Variants in TTC21B observed in about 807,000 individuals in gnomAD.
The protein encoded by TTC21B is tetratricopeptide repeat protein 21B.
TTC21B carries 127 observed loss-of-function variants against 175.1 expected under a neutral mutation model. The observed-to-expected ratio is 0.73, with a 90% CI of 0.63 to 0.84. The LOEUF is 0.84. Ranked by LOEUF, TTC21B falls within the 40% of genes least tolerant of loss-of-function variation. TTC21B has a pLI of 0.00. For synonymous variants in TTC21B, 524 were observed against 524.5 expected, an observed-to-expected ratio of 1.00 and a Z score of 0.01; for missense variants, 1,561 against 1,558.3, an observed-to-expected ratio of 1.00 and a Z score of -0.03.
intron 1 of TTC21B, 37 bp from the exon 2 acceptor site, chr2:165,949,761 T>C: frequency 6.3e-7 from 1 of 1,582,898 alleles, no homozygotes. Flanking sequence ...ATAAAGGAAT[T>C]CTGGTGCTCT....
chr2:165,952,010 A>G (rs1687776027), intron 1 of TTC21B, among the ~76,000 whole-genome samples: 1 of 152,116 alleles, frequency 6.6e-6, no homozygotes, highest in Non-Finnish European at 1.5e-5. Flanking sequence ...CGCTCTTCCT[A>G]TTTCCTTTTC....
chr2:165,873,837 C>T lies in TTC21B; in HGVS notation c.*918G>A, dbSNP rs1684582651. The stretch of plus-strand genomic sequence containing the variant: ...AAAAAAGATTTTTCAATGAAAGTTA[C>T]ATTTTCTGTACTATACCACCACCCA... On this transcript the variant is annotated 3_prime_UTR_variant, in exon 29 of 29. Coordinates refer to ENST00000243344, the MANE Select transcript of TTC21B (RefSeq NM_024753.5). 1.3e-5 allele frequency: 2 copies of T among 152,148 alleles called. No individual in the cohort carries two copies. Among genetic ancestry groups the T allele is most frequent in the Non-Finnish European group, 2.9e-5 (2 of 68,014 alleles). 9.4% of individuals were successfully genotyped at this position (152,148 alleles called of 1,614,324 possible).
intron 7 of TTC21B, among the ~76,000 whole-genome samples, chr2:165,932,735 A>G (rs1177677966): frequency 6.6e-6 from 1 of 152,032 alleles, no homozygotes; most frequent in Non-Finnish European, 1.5e-5. Context: ...ATAATTAATG[A>G]TTTAAGGGAT....
chr2:165,919,290 TCAGA>T lies in TTC21B; in HGVS notation c.1656_1659del (p.Cys552Ter), dbSNP rs2105329247. Reference sequence around the variant, plus strand: ...GGAATACTTACCTTAAAATCATAGCTCAGACAAAGTTCAAGAGACTGAGAACACA... The same window carrying T: ...GGAATACTTACCTTAAAATCATAGCTCAAAGTTCAAGAGACTGAGAACACA... On this transcript the variant is annotated frameshift_variant, in exon 13 of 29. Coordinates refer to ENST00000243344, the MANE Select transcript of TTC21B (RefSeq NM_024753.5). LOFTEE classifies it high-confidence loss of function. 3 of 1,614,030 alleles carry T rather than the reference TCAGA, an allele frequency of 1.9e-6. No homozygotes were observed. The highest frequency in any genetic ancestry group is 1.1e-5 in the South Asian group (1 of 91,086).
intron 6 of TTC21B, among the ~76,000 whole-genome samples, chr2:165,936,569 A>C (rs1341319896): frequency 2.0e-5 from 3 of 152,104 alleles, no homozygotes; most frequent in African/African-American, 7.2e-5. Context: ...TTTACAAAAT[A>C]TACAGAGAGC....
intron 19 of TTC21B, among the ~76,000 whole-genome samples, chr2:165,903,897 T>C (rs1685646140): frequency 6.7e-6 from 1 of 150,054 alleles, no homozygotes; most frequent in African/African-American, 2.5e-5. Flanking sequence ...ATTTGTCTCT[T>C]TGTCATTCAG....
chr2:165,941,274 A>G (rs1687358284), intron 5 of TTC21B, 90 bp from the exon 6 acceptor site: 1 of 1,432,288 alleles, frequency 7.0e-7, no homozygotes, highest in African/African-American at 1.4e-5. Context: ...TGAGCGTTTA[A>G]TACTTACTTT....
intron 3 of TTC21B, among the ~76,000 whole-genome samples, chr2:165,946,096 C>T (rs1223930440): frequency 3.4e-5 from 5 of 148,630 alleles, no homozygotes; most frequent in East Asian, 2.0e-4. Flanking sequence ...GAGGCCAAGG[C>T]GGGCGGATCA....
intron 25 of TTC21B, among the ~76,000 whole-genome samples, chr2:165,886,091 C>A (rs781261729): frequency 6.6e-6 from 1 of 152,144 alleles, no homozygotes; most frequent in Non-Finnish European, 1.5e-5. Flanking sequence ...TGTGAACATA[C>A]CCTATGTTTT....
intron 11 of TTC21B, among the ~76,000 whole-genome samples, chr2:165,925,771 G>T (rs1289804719): frequency 6.6e-6 from 1 of 152,004 alleles, no homozygotes; most frequent in African/African-American, 2.4e-5. Flanking sequence ...ATAGGCCTAC[G>T]GGTTTTTATG....
chr2:165,909,458 G>A (rs1479992408), intron 18 of TTC21B, among the ~76,000 whole-genome samples: 1 of 151,876 alleles, frequency 6.6e-6, no homozygotes, highest in African/African-American at 2.4e-5. Context: ...GACAGCCCGG[G>A]AGAAAATATC....
chr2:165,942,163 C>T, intron 5 of TTC21B, among the ~76,000 whole-genome samples: 1 of 152,156 alleles, frequency 6.6e-6, no homozygotes, highest in East Asian at 1.9e-4. Context: ...AACAGGCTTA[C>T]TGTCCACACA....
At chr2:165,888,497 CA>C in intron 24 of TTC21B, 23 bp from the exon 25 acceptor site, 4 of 1,558,916 alleles carry the variant, frequency 2.6e-6, no homozygotes, top group Non-Finnish European at 2.6e-6. Flanking sequence ...AAAAATAAAT[CA>C]CTTCTGTCTC....
chr2:165,935,616 T>C lies in TTC21B; in HGVS notation c.711-2559A>G, dbSNP rs370452567. Among the ~76,000 whole-genome samples, 203 of 152,218 alleles carry C rather than the reference T, an allele frequency of 1.3e-3. 9 individuals are homozygous for C. The South Asian group carries it at 0.041, about 30-fold the overall frequency. On this transcript the variant is annotated intron_variant, in intron 6 of 28. Coordinates refer to ENST00000243344, the MANE Select transcript of TTC21B (RefSeq NM_024753.5). Reference sequence around the variant, plus strand: ...GAATCAACAAGCGATTATAGCAAGATTGTAGGATATGAGGTTAATATATAA... The same window carrying C: ...GAATCAACAAGCGATTATAGCAAGACTGTAGGATATGAGGTTAATATATAA...
At chr2:165,933,572 C>T (rs992514073) in intron 6 of TTC21B, among the ~76,000 whole-genome samples, 2 of 152,058 alleles carry the variant, frequency 1.3e-5, no homozygotes, top group Admixed American at 1.3e-4. Context: ...TGTGCAAAAG[C>T]TATAAAATTC....
At chr2:165,921,130 T>C (rs1686389980) in intron 12 of TTC21B, among the ~76,000 whole-genome samples, 1 of 152,126 alleles carries the variant, frequency 6.6e-6, no homozygotes, top group Non-Finnish European at 1.5e-5. Flanking sequence ...ATGCTAAAGA[T>C]ATGACTTGGA....
chr2:165,932,949 C>T (rs1174112851), intron 7 of TTC21B, 24 bp downstream of exon 7: 2 of 1,593,130 alleles, frequency 1.3e-6, no homozygotes, highest in Non-Finnish European at 1.7e-6. Context: ...ATATAGGAAA[C>T]TTAAATAATA....
At chr2:165,942,293 T>A (rs1687397004) in intron 5 of TTC21B, among the ~76,000 whole-genome samples, 1 of 152,160 alleles carries the variant, frequency 6.6e-6, no homozygotes, top group African/African-American at 2.4e-5. Flanking sequence ...ACATATAATT[T>A]CTTTTTGCTG....
At chr2:165,953,609 G>C in intron 1 of TTC21B, 76 bp downstream of exon 1, 15 of 1,532,614 alleles carry the variant, frequency 9.8e-6, no homozygotes, top group Non-Finnish European at 1.3e-5. Flanking sequence ...AGCTCCCTCC[G>C]CGCCCCCGGG....
Sources: gnomAD v4.1 joint callset for allele counts (sites outside exome capture counted in the v4.1 genomes callset) on GRCh38, gnomAD v4.1.1 for gene constraint, MANE v1.5 for transcripts, NCBI Gene and HGNC (gene_info 2026-07-23, HGNC 2026-07-21) for gene names.